The following CDC42SE2 variants were observed in gnomAD, a reference collection of about 807,000 sequenced individuals.
CDC42SE2 encodes CDC42 small effector protein 2.
In CDC42SE2, 3 loss-of-function variants were observed where a neutral mutation model predicts 11.5. That is an observed-to-expected ratio of 0.26 (90% CI 0.12 to 0.67). The LOEUF (loss-of-function observed/expected upper bound fraction) is 0.67, where lower values mean the gene tolerates loss of function less well. CDC42SE2 is among the 30% of genes least tolerant of loss of function. CDC42SE2 has a pLI of 0.80. For missense variants in CDC42SE2, 82 were observed against 106.8 expected, an observed-to-expected ratio of 0.77 and a Z score of 1.02; for synonymous variants, 33 against 34.8, an observed-to-expected ratio of 0.95 and a Z score of 0.18.
chr5:131,382,380 G>T (rs1319689392), intron 3 of CDC42SE2, among the ~76,000 whole-genome samples: 1 of 152,142 alleles, frequency 6.6e-6, no homozygotes, highest in African/African-American at 2.4e-5. Context: ...TATGGTTTCT[G>T]TTCTCCCCCA....
At chr5:131,266,600 C>G (rs370144159) in intron 1 of CDC42SE2, among the ~76,000 whole-genome samples, 21 of 151,884 alleles carry the variant, frequency 1.4e-4, no homozygotes, top group African/African-American at 5.1e-4. Context: ...GCTGGGATTA[C>G]AGACATGCGC....
intron 1 of CDC42SE2, among the ~76,000 whole-genome samples, chr5:131,312,806 C>T (rs986628541): frequency 1.4e-4 from 21 of 152,120 alleles, no homozygotes; most frequent in Admixed American, 5.9e-4. Context: ...GGCTTGCAAA[C>T]GGTGTGCGCA....
the CDC42SE2 span, among the ~76,000 whole-genome samples, chr5:131,238,159 G>A: frequency 6.6e-6 from 1 of 151,162 alleles, no homozygotes; most frequent in African/African-American, 2.5e-5. Flanking sequence ...GGCAAGGGGA[G>A]GGAGAGCACT....
intron 2 of CDC42SE2, among the ~76,000 whole-genome samples, chr5:131,350,815 A>G (rs896717964): frequency 2.4e-4 from 36 of 152,284 alleles, no homozygotes; most frequent in African/African-American, 8.2e-4. Context: ...GAAAAAGAGT[A>G]TAATTGGAAG....
chr5:131,317,012 A>C (rs937943451), intron 2 of CDC42SE2, among the ~76,000 whole-genome samples: 1 of 152,190 alleles, frequency 6.6e-6, no homozygotes, highest in Non-Finnish European at 1.5e-5. Flanking sequence ...ATCTGACTCT[A>C]ATACTTCTTA....
intron 1 of CDC42SE2, among the ~76,000 whole-genome samples, chr5:131,297,472 C>T (rs143587219): frequency 1.3e-5 from 2 of 152,242 alleles, no homozygotes; most frequent in Admixed American, 6.5e-5. Flanking sequence ...GTAATCCCAG[C>T]ACTTTGGGAG....
chr5:131,311,784 T>G (rs1757921769), intron 1 of CDC42SE2, among the ~76,000 whole-genome samples: 1 of 152,222 alleles, frequency 6.6e-6, no homozygotes, highest in South Asian at 2.1e-4. Context: ...GCTTTGGTTT[T>G]CAGCTCCATC....
At chr5:131,309,894 C>T (rs1757864811) in intron 1 of CDC42SE2, among the ~76,000 whole-genome samples, 1 of 151,502 alleles carries the variant, frequency 6.6e-6, no homozygotes, top group Non-Finnish European at 1.5e-5. Context: ...TTTCAAAAAA[C>T]CAGCTCCTGG....
chr5:131,368,636 C>G (rs1249488149), intron 3 of CDC42SE2, among the ~76,000 whole-genome samples: 1 of 152,128 alleles, frequency 6.6e-6, no homozygotes, highest in Non-Finnish European at 1.5e-5. Flanking sequence ...TCCATAAAAG[C>G]TTTTTAAAAC....
the CDC42SE2 span, among the ~76,000 whole-genome samples, chr5:131,216,506 A>AAAAAAAAAAAC: frequency 6.8e-6 from 1 of 146,152 alleles, no homozygotes; most frequent in South Asian, 2.2e-4. Flanking sequence ...TGTCTCAAAA[A>AAAAAAAAAAAC]AAAAAAAAAA....
chr5:131,389,036 A>G (rs564098703), intron 4 of CDC42SE2, among the ~76,000 whole-genome samples: 86 of 152,154 alleles, frequency 5.7e-4, no homozygotes, highest in African/African-American at 2.0e-3. Flanking sequence ...GGGTTTCGCT[A>G]TGTTTTCCAG....
intron 2 of CDC42SE2, among the ~76,000 whole-genome samples, chr5:131,342,352 A>C (rs1758730741): frequency 6.7e-6 from 1 of 148,710 alleles, no homozygotes; most frequent in South Asian, 2.1e-4. Context: ...TAAGAGATGG[A>C]GAGGCACAGG....
At chr5:131,312,615 G>C (rs977975127) in intron 1 of CDC42SE2, among the ~76,000 whole-genome samples, 4 of 152,300 alleles carry the variant, frequency 2.6e-5, no homozygotes, top group Non-Finnish European at 4.4e-5. Flanking sequence ...AGGACCCTCC[G>C]AGCCAGGCGC....
At chr5:131,353,094 T>C (rs1479759136) in intron 2 of CDC42SE2, among the ~76,000 whole-genome samples, 1 of 152,074 alleles carries the variant, frequency 6.6e-6, no homozygotes, top group African/African-American at 2.4e-5. Flanking sequence ...GCCTTCCAAG[T>C]AGCTGATACC....
chr5:131,325,209 G>T (rs1299546220), intron 2 of CDC42SE2, among the ~76,000 whole-genome samples: 1 of 152,104 alleles, frequency 6.6e-6, no homozygotes, highest in Non-Finnish European at 1.5e-5. Context: ...ATTTCCAGAA[G>T]TGATAATGAT....
At chr5:131,215,113 G>A in the CDC42SE2 span, among the ~76,000 whole-genome samples, 1 of 152,270 alleles carries the variant, frequency 6.6e-6, no homozygotes, top group South Asian at 2.1e-4. Context: ...TTCAAGGTGA[G>A]TTCATTAAAT....
upstream of CDC42SE2, among the ~76,000 whole-genome samples, chr5:131,244,660 G>C (rs1055367568): frequency 6.6e-6 from 1 of 152,114 alleles, no homozygotes; most frequent in Non-Finnish European, 1.5e-5. Context: ...GCAGTGAGCT[G>C]AGATCATGCC....
At chr5:131,264,637 C>T (rs1400989687) in intron 1 of CDC42SE2, among the ~76,000 whole-genome samples, 2 of 152,148 alleles carry the variant, frequency 1.3e-5, no homozygotes, top group Non-Finnish European at 2.9e-5. Flanking sequence ...CTGAGGCGCC[C>T]GACGCGTTCA....
At chr5:131,251,568 A>G (rs541682106) in intron 1 of CDC42SE2, among the ~76,000 whole-genome samples, 205 of 152,314 alleles carry the variant, frequency 1.3e-3, no homozygotes, top group Non-Finnish European at 1.8e-3. Flanking sequence ...AGAAAGCAAA[A>G]CTAAAAAAAG....
Sources: gnomAD v4.1 joint callset for allele counts (sites outside exome capture counted in the v4.1 genomes callset) on GRCh38, gnomAD v4.1.1 for gene constraint, MANE v1.5 for transcripts, NCBI Gene and HGNC (gene_info 2026-07-23, HGNC 2026-07-21) for gene names.